RPL3: variants seen among roughly 807,000 people sequenced by gnomAD.
The protein encoded by RPL3 is ribosomal protein L3.
Under a neutral mutation model 46.0 loss-of-function variants are expected in RPL3, and 3 were observed. The observed-to-expected ratio is 0.07, with a 90% CI of 0.03 to 0.17. The LOEUF (loss-of-function observed/expected upper bound fraction) is 0.17. Ranked by LOEUF, RPL3 falls within the 10% of genes least tolerant of loss-of-function variation. The pLI, the probability that RPL3 is intolerant of heterozygous loss-of-function variation, is 1.00. For missense variants in RPL3, 387 were observed against 532.7 expected (o/e 0.73, Z 2.69); for synonymous variants, 224 against 190.8 (o/e 1.17, Z -1.43).
At position 39,316,580 on chromosome 22, in the gene RPL3, G is replaced by T. The variant is rs554493833; in HGVS notation, c.501+126C>A. 6 of 1,231,094 alleles carry T rather than the reference G, an allele frequency of 4.9e-6. No individual in the cohort carries two copies. The South Asian group carries it at 8.1e-5, about 17-fold the overall frequency. The allele number at this position is 1,231,094 out of a possible 1,614,324, so 76.3% of individuals were successfully genotyped here. A position where few individuals can be genotyped will look rare whatever the true frequency, so the allele number is the denominator to read the frequency against. ...TGGTTCCCTTGCTAAGGGCCAGTAA[G>T]GACACAGTGCCCTCTGCTGGCAAGG... On this transcript the variant is annotated intron_variant, in intron 4 of 9. Coordinates refer to ENST00000216146, the MANE Select transcript of RPL3 (RefSeq NM_000967.4).
chr22:39,313,788 C>T (rs1369987458), intron 7 of RPL3, 59 bp from the exon 8 acceptor site: 2 of 1,497,230 alleles, frequency 1.3e-6, no homozygotes, highest in East Asian at 4.5e-5. Flanking sequence ...GCAGATGACC[C>T]CTCCAGGTTC....
At chr22:39,314,246 G>C (rs1458406478) in intron 6 of RPL3, 38 bp from the exon 7 acceptor site, 1 of 1,557,726 alleles carries the variant, frequency 6.4e-7, no homozygotes, top group East Asian at 2.2e-5. Flanking sequence ...GGGGCATTAG[G>C]GACAAATAAC....
intron 4 of RPL3, among the ~76,000 whole-genome samples, chr22:39,316,314 A>C (rs188326144): frequency 6.3e-4 from 96 of 152,156 alleles, no homozygotes; most frequent in African/African-American, 2.2e-3. Flanking sequence ...CAAAATTTCA[A>C]CGGTGGACAT....
At chr22:39,317,767 T>C in intron 2 of RPL3, 138 bp from the exon 3 acceptor site, 1 of 866,108 alleles carries the variant, frequency 1.2e-6, no homozygotes, top group Non-Finnish European at 1.8e-6. Flanking sequence ...CACAGGGCTG[T>C]CCTTACTGCC....
chr22:39,319,329 G>C (rs1308485411), intron 1 of RPL3: 2 of 593,744 alleles, frequency 3.4e-6, no homozygotes, highest in Non-Finnish European at 6.1e-6. Flanking sequence ...AATGACTCAT[G>C]GCTTTAAAAA....
intron 6 of RPL3, 68 bp downstream of exon 6, chr22:39,314,618 C>T: frequency 1.3e-6 from 2 of 1,522,232 alleles, no homozygotes; most frequent in Non-Finnish European, 8.9e-7. Flanking sequence ...CACTGACAGG[C>T]ACAGAAACCC....
At chr22:39,314,899 C>A in intron 5 of RPL3, 53 bp from the exon 6 acceptor site, 2 of 1,586,206 alleles carry the variant, frequency 1.3e-6, no homozygotes, top group East Asian at 2.3e-5. Flanking sequence ...CCCACTGACC[C>A]CTTCCTGCTA....
intron 2 of RPL3, 65 bp downstream of exon 2, chr22:39,318,335 C>A (rs1295744083): frequency 6.4e-7 from 1 of 1,559,464 alleles, no homozygotes. Context: ...CAGCTTGACT[C>A]CATCTCTACA....
rs1249455193 is a variant in RPL3, at chr22:39,316,805, G to A, written c.402C>T (p.Cys134=). The part of the protein sequence containing the change: ...KSKKKAFTKY[C]KKWQDEDGKK... ...TGCCATCCTCATCCTGCCATTTCTT[G>A]CAGTACTTGGTAAAGGCCTTCTTCT... is the stretch of plus-strand genomic sequence containing the variant. The change falls in exon 4 of 10, where the codon TGC becomes TGT. Residue 134 remains cysteine, a synonymous_variant. Transcript: ENST00000216146. 3 of 1,613,936 alleles carry A rather than the reference G, an allele frequency of 1.9e-6. No homozygotes were observed. The African/African-American group carries it at 4.0e-5, about 22-fold the overall frequency.
In RPL3 at chr22:39,312,981, G is replaced by A; in HGVS notation, c.1171C>T (p.Pro391Ser). 1 of 1,614,134 alleles carries A rather than the reference G, an allele frequency of 6.2e-7. No homozygotes were observed. The highest frequency in any genetic ancestry group is 8.5e-7 in the Non-Finnish European group (1 of 1,179,990). ...TTTGCAATTCGGTCTTTCTTCAGTG[G>A]TCCCTGTGGGGAGAGAGGCAGTGGT... is the stretch of plus-strand genomic sequence containing the variant. ...TMEEKKAFMG[P>S]LKKDRIAKEE... The change falls in exon 10 of 10, where the codon CCA (proline) becomes TCA (serine). Residue 391 changes from proline to serine, a missense_variant. This residue lies in a region of RPL3 where 131 missense variants were observed against 185.1 expected (regional missense o/e 0.71). Coordinates refer to ENST00000216146, the MANE Select transcript of RPL3 (RefSeq NM_000967.4).
chr22:39,314,226 G>A lies in RPL3; in HGVS notation c.850-18C>T, dbSNP rs1250782345. On this transcript the variant is annotated intron_variant, in intron 6 of 9. Transcript: ENST00000216146. Reference sequence around the variant, plus strand: ...TTATAAATCTGAATGAACAAGAAGGGTGTAAGGCTGGGGCATTAGGGACAA... The same window carrying A: ...TTATAAATCTGAATGAACAAGAAGGATGTAAGGCTGGGGCATTAGGGACAA... The A allele has an allele frequency of 6.2e-6, 10 of 1,606,304 alleles. No homozygotes were observed. Among genetic ancestry groups the A allele is most frequent in the South Asian group, 2.2e-5 (2 of 90,904 alleles).
At chr22:39,316,946 A>C in intron 3 of RPL3, 105 bp from the exon 4 acceptor site, 13 of 1,572,296 alleles carry the variant, frequency 8.3e-6, no homozygotes, top group African/African-American at 1.3e-5. Flanking sequence ...GATGGAGCTC[A>C]TTGCCGGCTT....
intron 4 of RPL3, among the ~76,000 whole-genome samples, 178 bp from the exon 5 acceptor site, chr22:39,315,733 T>C (rs150808354): frequency 6.6e-6 from 1 of 152,274 alleles, no homozygotes; most frequent in African/African-American, 2.4e-5. Context: ...CAGCAACAAC[T>C]TAACTTTGGA....
Position 39,318,341 on chromosome 22 carries a change from C to A in RPL3, c.196+59G>T, listed in dbSNP as rs1922833034. The A allele has an allele frequency of 2.5e-6, 4 of 1,576,514 alleles. No homozygotes were observed. In the East Asian group the frequency reaches 9.0e-5, roughly 36 times the overall value. ...CTCTGCTAACAGCTTGACTCCATCT[C>A]TACAATTTCCCTCCCCCTCCACTCC... On this transcript the variant is annotated intron_variant, in intron 2 of 9. Transcript: ENST00000216146.
chr22:39,317,719 C>G, intron 2 of RPL3, 90 bp from the exon 3 acceptor site: 1 of 1,485,946 alleles, frequency 6.7e-7, no homozygotes. Context: ...CCATTTAGGC[C>G]GGAAGGGCAA....
Position 39,314,116 on chromosome 22 carries a change from G to A in RPL3, c.942C>T (p.Ile314=), listed in dbSNP as rs771634555. Residue 314 remains isoleucine, a synonymous_variant, in exon 7 of 10, where the codon ATC becomes ATT. Coordinates refer to ENST00000216146, the MANE Select transcript of RPL3 (RefSeq NM_000967.4). The part of the protein sequence containing the change: ...STDYDLSDKS[I]NPLGGFVHYG... The stretch of plus-strand genomic sequence containing the variant: ...AACACCCATTACTTACCAGAGGGTT[G>A]ATGCTCTTGTCAGATAGGTCATAGT... 6.2e-7 allele frequency: 1 copy of A among 1,612,948 alleles called. No individual in the cohort carries two copies. Among genetic ancestry groups the A allele is most frequent in the South Asian group, 1.1e-5 (1 of 91,034 alleles).
intron 2 of RPL3, 77 bp downstream of exon 2, chr22:39,318,323 A>C: frequency 6.6e-7 from 1 of 1,517,960 alleles, no homozygotes; most frequent in Non-Finnish European, 8.9e-7. Context: ...GCCCTCTGCT[A>C]ACAGCTTGAC....
In RPL3 at chr22:39,313,083, A is replaced by C. The variant is rs944281538; in HGVS notation, c.1168-99T>G. The C allele has an allele frequency of 4.4e-6, 7 of 1,605,708 alleles. No homozygotes were observed. The South Asian group carries it at 7.7e-5, about 18-fold the overall frequency. On this transcript the variant is annotated intron_variant, in intron 9 of 9. Transcript: ENST00000216146. ...AGACTCTGGGCCAGTCTCCACAGCC[A>C]CAAGAGAGGCCTAAGGCATCAAGAC...
chr22:39,319,262 G>C, intron 1 of RPL3: 1 of 505,896 alleles, frequency 2.0e-6, no homozygotes, highest in Non-Finnish European at 3.7e-6. Context: ...ACCCAGACAA[G>C]CAGGTTATGG....
Sources: allele counts gnomAD v4.1 joint callset (sites outside exome capture counted in the v4.1 genomes callset), GRCh38; gene constraint gnomAD v4.1.1; regional missense constraint gnomAD v4.1.1; transcripts MANE v1.5; gene names NCBI Gene and HGNC (gene_info 2026-07-23, HGNC 2026-07-21).